Variants in MYLK4 observed in about 807,000 individuals in gnomAD.
The protein encoded by MYLK4 is myosin light chain kinase family member 4.
Under a neutral mutation model 48.1 loss-of-function variants are expected in MYLK4, and 46 were observed. The observed-to-expected ratio is 0.96, with a 90% CI of 0.75 to 1.22. MYLK4 has a LOEUF of 1.22. Ranked by LOEUF, MYLK4 falls within the 50% of genes most tolerant of loss-of-function variation. MYLK4 has a pLI of 0.00. For missense variants in MYLK4, 451 were observed against 486.1 expected, an observed-to-expected ratio of 0.93 and a Z score of 0.68; for synonymous variants, 170 against 180.8, an observed-to-expected ratio of 0.94 and a Z score of 0.48.
In MYLK4 at chr6:2,685,105, T is replaced by C. The variant is rs867962514; in HGVS notation, c.545+191A>G. Among the ~76,000 whole-genome samples the C allele has an allele frequency of 6.6e-6, 1 of 152,196 alleles. No individual in the cohort carries two copies. Among genetic ancestry groups the C allele is most frequent in the African/African-American group, 2.4e-5 (1 of 41,456 alleles). ...GTCCCACTACTTCTTAGCAATAAAA[T>C]CCCATATGGAGATTTGTAACCCCAA... On this transcript the variant is annotated intron_variant, in intron 6 of 12. Transcript: ENST00000274643. The surrounding 1 kb of genome is among the most constrained non-coding windows in gnomAD (Gnocchi z 4.5).
At chr6:2,752,402 T>C (rs555207484), upstream of MYLK4, among the ~76,000 whole-genome samples, 25 of 152,206 alleles carry the variant, frequency 1.6e-4, no homozygotes, top group South Asian at 2.3e-3. Context: ...GTTTTTTTTT[T>C]CCCCAAATGC....
At chr6:2,733,559 T>G (rs1163483916) in intron 2 of MYLK4, among the ~76,000 whole-genome samples, 1 of 152,206 alleles carries the variant, frequency 6.6e-6, no homozygotes, top group Non-Finnish European at 1.5e-5. Context: ...GTCACAAGAC[T>G]GAGCTGTAAG....
chr6:2,719,166 T>A (rs1279557894), intron 2 of MYLK4, among the ~76,000 whole-genome samples: 1 of 152,168 alleles, frequency 6.6e-6, no homozygotes, highest in Non-Finnish European at 1.5e-5. Flanking sequence ...GGGCAGGACA[T>A]GCAGCTAAAT....
upstream of MYLK4, among the ~76,000 whole-genome samples, chr6:2,753,846 G>A (rs1179929067): frequency 5.9e-5 from 9 of 152,000 alleles, no homozygotes; most frequent in Admixed American, 5.9e-4. Flanking sequence ...CCCACTAGGA[G>A]AGCTGTAATA....
At chr6:2,719,548 T>C (rs1762993526) in intron 2 of MYLK4, among the ~76,000 whole-genome samples, 1 of 152,244 alleles carries the variant, frequency 6.6e-6, no homozygotes, top group Non-Finnish European at 1.5e-5. Context: ...TGAAAATGTG[T>C]GGCATTTTAT....
At chr6:2,766,221 T>G in the MYLK4 span, 3 of 1,491,058 alleles carry the variant, frequency 2.0e-6, no homozygotes, top group Non-Finnish European at 2.7e-6. Context: ...GCCACCGCCT[T>G]CGGGGCCAGT....
intron 2 of MYLK4, among the ~76,000 whole-genome samples, chr6:2,694,536 G>GA (rs1761966880): frequency 1.4e-4 from 1 of 7,194 alleles, no homozygotes; most frequent in Non-Finnish European, 2.6e-4. Context: ...GGTGGTAGTA[G>GA]TGTTGGTTGT....
At chr6:2,694,503 G>GTAGTGGTAATGA (rs1561845837) in intron 2 of MYLK4, among the ~76,000 whole-genome samples, 2 of 12,360 alleles carry the variant, frequency 1.6e-4, no homozygotes, top group African/African-American at 4.6e-4. Flanking sequence ...GGTGGTGGTG[G>GTAGTGGTAATGA]TGGTGGTGGC....
chr6:2,690,541 T>C (rs1401633577), intron 3 of MYLK4, among the ~76,000 whole-genome samples: 1 of 152,134 alleles, frequency 6.6e-6, no homozygotes, highest in Non-Finnish European at 1.5e-5. Context: ...AACAGTGTTT[T>C]GGTGACGAGG....
chr6:2,733,869 G>T (rs960390434), intron 2 of MYLK4, among the ~76,000 whole-genome samples: 5 of 152,092 alleles, frequency 3.3e-5, no homozygotes, highest in African/African-American at 1.2e-4. Flanking sequence ...GGCACTAGGG[G>T]AACCTCGCAA....
chr6:2,671,227 T>C, intron 12 of MYLK4, 49 bp downstream of exon 12: 2 of 1,252,068 alleles, frequency 1.6e-6, no homozygotes, highest in Middle Eastern at 1.9e-4. Context: ...TTCTTATTCC[T>C]ATCTCTTAAG....
intron 2 of MYLK4, among the ~76,000 whole-genome samples, chr6:2,735,821 A>G (rs569403991): frequency 2.0e-5 from 3 of 152,224 alleles, no homozygotes; most frequent in Non-Finnish European, 4.4e-5. Flanking sequence ...GAATGAGAGC[A>G]GGTTTGGGGA....
At position 2,693,724 on chromosome 6, in the gene MYLK4, G is replaced by C. The variant is rs114835223; in HGVS notation, c.160-865C>G. ...AAGCATGAAACACCATGTAAGTTCA[G>C]AGCACAGATATCAAGACAAATTGCA... On this transcript the variant is annotated intron_variant, in intron 2 of 12. Transcript: ENST00000274643. Among the ~76,000 whole-genome samples, 808 of 151,146 alleles carry C rather than the reference G, an allele frequency of 5.3e-3. 10 individuals are homozygous for C. The highest frequency in any genetic ancestry group is 0.019 in the African/African-American group (764 of 41,100).
intron 2 of MYLK4, among the ~76,000 whole-genome samples, chr6:2,732,899 C>T (rs898589541): frequency 1.9e-4 from 29 of 152,176 alleles, no homozygotes; most frequent in Admixed American, 1.2e-3. Context: ...TTCCTTGACC[C>T]TCTGTCCCCA....
chr6:2,689,592 G>A (rs78143107), intron 3 of MYLK4, among the ~76,000 whole-genome samples: 8,481 of 152,146 alleles, frequency 0.056, 271 homozygotes, highest in Middle Eastern at 0.099. Context: ...GTGTTTAAAC[G>A]CTCGTCCACA....
At chr6:2,702,939 T>A (rs1349226796) in intron 2 of MYLK4, among the ~76,000 whole-genome samples, 1 of 152,218 alleles carries the variant, frequency 6.6e-6, no homozygotes, top group Non-Finnish European at 1.5e-5. Context: ...TCTTGTCTCA[T>A]TGTCCTTTGT....
At chr6:2,770,128 C>T in the MYLK4 span, 2 of 1,614,230 alleles carry the variant, frequency 1.2e-6, no homozygotes, top group Non-Finnish European at 1.7e-6. Context: ...AGGACACTTT[C>T]CTTCCTCACG....
chr6:2,770,261 G>A, the MYLK4 span: 2 of 1,614,154 alleles, frequency 1.2e-6, no homozygotes, highest in Non-Finnish European at 8.5e-7. Flanking sequence ...AGAGGCAATG[G>A]TGACTATTTT....
chr6:2,755,263 C>T (rs1204934057), upstream of MYLK4, among the ~76,000 whole-genome samples: 1 of 152,122 alleles, frequency 6.6e-6, no homozygotes, highest in Non-Finnish European at 1.5e-5. Context: ...CTTAAACTTT[C>T]TAAGGGATAT....
Sources: allele counts gnomAD v4.1 joint callset (sites outside exome capture counted in the v4.1 genomes callset), GRCh38; gene constraint gnomAD v4.1.1; non-coding constraint Gnocchi (gnomAD v3.1); transcripts MANE v1.5; gene names NCBI Gene and HGNC (gene_info 2026-07-23, HGNC 2026-07-21).